Variants in LDB2 observed in about 807,000 individuals in gnomAD.
The protein encoded by LDB2 is LIM domain binding 2.
Under a neutral mutation model 44.3 loss-of-function variants are expected in LDB2, and 12 were observed. The ratio of observed to expected loss-of-function variants is 0.27; its 90% confidence interval spans 0.17 to 0.44. LDB2 has a LOEUF of 0.44. LDB2 is among the 20% of genes least tolerant of loss of function. The probability of loss-of-function intolerance (pLI) is 1.00; values close to 1 mark genes in which losing one functional copy is unlikely to be tolerated. For missense variants in LDB2, 344 were observed against 473.5 expected, an observed-to-expected ratio of 0.73 and a Z score of 2.54; for synonymous variants, 164 against 174.8, an observed-to-expected ratio of 0.94 and a Z score of 0.49.
At chr4:16,505,390 C>A (rs903700333) in intron 7 of LDB2, among the ~76,000 whole-genome samples, 5 of 151,586 alleles carry the variant, frequency 3.3e-5, no homozygotes, top group Admixed American at 2.6e-4. Flanking sequence ...TGTTTGTGTG[C>A]GTGCATAATT....
At chr4:16,607,484 G>C (rs962585767) in intron 2 of LDB2, among the ~76,000 whole-genome samples, 1 of 152,186 alleles carries the variant, frequency 6.6e-6, no homozygotes, top group South Asian at 2.1e-4. Flanking sequence ...TACTCATACT[G>C]TGACCTTGAA....
At chr4:16,597,981 G>C (rs1721460023) in intron 2 of LDB2, among the ~76,000 whole-genome samples, 1 of 152,166 alleles carries the variant, frequency 6.6e-6, no homozygotes, top group Non-Finnish European at 1.5e-5. Flanking sequence ...CTGGAGGTTT[G>C]TTTTCAGCCC....
At chr4:16,892,392 C>G (rs1338510511) in intron 1 of LDB2, among the ~76,000 whole-genome samples, 2 of 152,070 alleles carry the variant, frequency 1.3e-5, no homozygotes, top group African/African-American at 2.4e-5. Context: ...CAAATGCATG[C>G]TGCCAGAATT....
At chr4:16,742,276 T>C (rs1377956578) in intron 2 of LDB2, among the ~76,000 whole-genome samples, 1 of 152,134 alleles carries the variant, frequency 6.6e-6, no homozygotes, top group African/African-American at 2.4e-5. Context: ...TTCACCATGT[T>C]GGCCAGGATG....
intron 5 of LDB2, among the ~76,000 whole-genome samples, chr4:16,578,558 A>C (rs1712836570): frequency 6.6e-6 from 1 of 152,188 alleles, no homozygotes; most frequent in Admixed American, 6.5e-5. Flanking sequence ...TCAATAACAA[A>C]TGCTGGTGAG....
intron 5 of LDB2, among the ~76,000 whole-genome samples, chr4:16,570,649 G>A (rs1648624705): frequency 6.6e-6 from 1 of 151,818 alleles, no homozygotes; most frequent in African/African-American, 2.4e-5. Context: ...AAGGTAGAAA[G>A]GTTGCCTAAG....
chr4:16,668,267 C>T (rs949858125), intron 2 of LDB2, among the ~76,000 whole-genome samples: 21 of 151,956 alleles, frequency 1.4e-4, no homozygotes, highest in Admixed American at 1.2e-3. Context: ...CCAGGAGAAC[C>T]CAGACCCTGG....
rs1553914713 is a variant in LDB2, at chr4:16,586,511, C to CACACACACACACAAA, written c.532-507_532-506insTTTGTGTGTGTGTGT. On this transcript the variant is annotated intron_variant, in intron 4 of 7. Coordinates refer to ENST00000304523, the MANE Select transcript of LDB2 (RefSeq NM_001290.5). ...ATACACACACACACACACACACACA[C>CACACACACACACAAA]ACACACACACACACAAAACACACAC... 9.2e-5 allele frequency among the ~76,000 whole-genome samples: 8 copies of CACACACACACACAAA among 87,350 alleles called. No individual in the cohort carries two copies. The East Asian group carries it at 2.9e-3, about 31-fold the overall frequency. 57.3% of individuals were successfully genotyped at this position (87,350 alleles called of 152,430 possible). A position where few individuals can be genotyped will look rare whatever the true frequency, so the allele number is the denominator to read the frequency against.
chr4:16,680,250 A>G (rs1352744383), intron 2 of LDB2, among the ~76,000 whole-genome samples: 1 of 152,316 alleles, frequency 6.6e-6, no homozygotes, highest in Admixed American at 6.5e-5. Flanking sequence ...GACTTTGAAG[A>G]ATATTTTTCA....
intron 2 of LDB2, among the ~76,000 whole-genome samples, chr4:16,698,291 T>C (rs1380217410): frequency 6.6e-6 from 1 of 152,172 alleles, no homozygotes; most frequent in Non-Finnish European, 1.5e-5. Context: ...TTCATGGGGG[T>C]AGAATTATTG....
At chr4:16,854,336 C>T (rs921643338) in intron 1 of LDB2, among the ~76,000 whole-genome samples, 5 of 151,606 alleles carry the variant, frequency 3.3e-5, no homozygotes, top group Non-Finnish European at 5.9e-5. Flanking sequence ...AATAAAAATA[C>T]CAAATAAACT....
intron 1 of LDB2, among the ~76,000 whole-genome samples, chr4:16,791,166 G>T (rs1775612984): frequency 6.6e-6 from 1 of 152,078 alleles, no homozygotes; most frequent in Non-Finnish European, 1.5e-5. Context: ...TGTTCTTTGT[G>T]CTTTAATGCT....
intron 5 of LDB2, among the ~76,000 whole-genome samples, chr4:16,529,641 TCTTC>T (rs1338283375): frequency 6.6e-6 from 1 of 152,228 alleles, no homozygotes; most frequent in Admixed American, 6.5e-5. Context: ...AGGGAGCTTC[TCTTC>T]CTTGTCTTCT....
chr4:16,538,091 C>T (rs1222887991), intron 5 of LDB2, among the ~76,000 whole-genome samples: 1 of 152,184 alleles, frequency 6.6e-6, no homozygotes, highest in Non-Finnish European at 1.5e-5. Context: ...TCTCAGAGTG[C>T]CCAGTGTTTG....
rs114220375 is a variant in LDB2, at chr4:16,776,875, G to A, written c.133-17615C>T. On this transcript the variant is annotated intron_variant, in intron 1 of 7. Transcript: ENST00000304523. The stretch of plus-strand genomic sequence containing the variant: ...AGCTGGGCTTCTCAACCTCAGCATC[G>A]CAAACATTTAGAGCTATCCAGGTCT... Among the ~76,000 whole-genome samples the A allele has an allele frequency of 1.8e-3, 275 of 152,278 alleles. 2 individuals are homozygous for A. The highest frequency in any genetic ancestry group is 6.3e-3 in the African/African-American group (262 of 41,558).
chr4:16,720,541 A>T (rs1313276409), intron 2 of LDB2, among the ~76,000 whole-genome samples: 1 of 152,268 alleles, frequency 6.6e-6, no homozygotes, highest in East Asian at 1.9e-4. Flanking sequence ...GAGTTCAAAC[A>T]CAAATCTCCA....
chr4:16,896,655 TC>T (rs36005678), intron 1 of LDB2, among the ~76,000 whole-genome samples: 12 of 135,864 alleles, frequency 8.8e-5, no homozygotes, highest in Non-Finnish European at 1.8e-4. Context: ...GTCCCTGGCC[TC>T]TTTTTTTATA....
At chr4:16,784,959 G>T (rs528796692) in intron 1 of LDB2, among the ~76,000 whole-genome samples, 3 of 151,728 alleles carry the variant, frequency 2.0e-5, no homozygotes, top group African/African-American at 7.3e-5. Context: ...TTCTCCCACA[G>T]CACCTAGATT....
chr4:16,755,223 G>A (rs993679662), intron 2 of LDB2, among the ~76,000 whole-genome samples: 1 of 152,076 alleles, frequency 6.6e-6, no homozygotes, highest in Admixed American at 6.6e-5. Flanking sequence ...AATTAATATT[G>A]TGCTTGAAAC....
Sources: gnomAD v4.1 joint callset for allele counts (sites outside exome capture counted in the v4.1 genomes callset) on GRCh38, gnomAD v4.1.1 for gene constraint, MANE v1.5 for transcripts, NCBI Gene and HGNC (gene_info 2026-07-23, HGNC 2026-07-21) for gene names.